SLC28A1: variants seen among roughly 807,000 people sequenced by gnomAD.
The protein encoded by SLC28A1 is sodium/nucleoside cotransporter 1.
A neutral mutation model predicts 74.8 loss-of-function variants in SLC28A1; 64 were observed. That is an observed-to-expected ratio of 0.86 (90% confidence interval 0.70 to 1.05). The LOEUF (loss-of-function observed/expected upper bound fraction) is 1.05, where lower values mean the gene tolerates loss of function less well. Ranked by LOEUF, SLC28A1 falls within the 50% of genes least tolerant of loss-of-function variation. The probability of loss-of-function intolerance (pLI) is 0.00; values close to 1 mark genes in which losing one functional copy is unlikely to be tolerated. For synonymous variants in SLC28A1, 359 were observed against 335.0 expected (o/e 1.07, Z -0.78); for missense variants, 828 against 822.8 (o/e 1.01, Z -0.08).
At chr15:84,961,600 C>A in the SLC28A1 span, 1 of 434,048 alleles carries the variant, frequency 2.3e-6, no homozygotes, top group South Asian at 1.7e-5. Flanking sequence ...CTTGGCTTCC[C>A]AAAGTGCTGG....
chr15:84,893,755 G>A (rs567696803), intron 5 of SLC28A1, among the ~76,000 whole-genome samples: 85 of 152,242 alleles, frequency 5.6e-4, no homozygotes, highest in African/African-American at 1.9e-3. Flanking sequence ...CTGTTTTGGT[G>A]CCTGCAGAGC....
At chr15:84,923,275 C>T (rs1028091798) in intron 11 of SLC28A1, among the ~76,000 whole-genome samples, 1 of 152,098 alleles carries the variant, frequency 6.6e-6, no homozygotes, top group Non-Finnish European at 1.5e-5. Context: ...TAGGCATTAT[C>T]ACACATATCT....
intron 13 of SLC28A1, among the ~76,000 whole-genome samples, chr15:84,933,883 G>A (rs183203902): frequency 2.0e-5 from 3 of 152,312 alleles, no homozygotes; most frequent in Middle Eastern, 6.8e-3. Context: ...GCTGAGGCAC[G>A]AGAATTGCTT....
the SLC28A1 span, among the ~76,000 whole-genome samples, chr15:84,968,626 C>G: frequency 6.6e-6 from 1 of 152,226 alleles, no homozygotes; most frequent in African/African-American, 2.4e-5. Flanking sequence ...CACTTTCTAA[C>G]ATGGGAGGCA....
At chr15:84,960,948 T>C in the SLC28A1 span, among the ~76,000 whole-genome samples, 1 of 152,174 alleles carries the variant, frequency 6.6e-6, no homozygotes, top group African/African-American at 2.4e-5. Context: ...GATCCTGAAT[T>C]GGCTTTGCAG....
chr15:84,926,764 G>T (rs920174395), intron 12 of SLC28A1, among the ~76,000 whole-genome samples: 1 of 121,792 alleles, frequency 8.2e-6, no homozygotes, highest in Non-Finnish European at 1.6e-5. Context: ...CTCTGCCCCT[G>T]CCCCAGGCTC....
At chr15:84,944,492 G>C in intron 16 of SLC28A1, 74 bp from the exon 17 acceptor site, 1 of 986,402 alleles carries the variant, frequency 1.0e-6, no homozygotes, top group South Asian at 1.3e-5. Context: ...GTCAGCAGAT[G>C]CAGCCCGAGC....
chr15:84,975,196 A>G, the SLC28A1 span, among the ~76,000 whole-genome samples: 2 of 152,192 alleles, frequency 1.3e-5, no homozygotes, highest in Non-Finnish European at 2.9e-5. Context: ...TTATTTCCCA[A>G]TTGAGTATTT....
intron 12 of SLC28A1, among the ~76,000 whole-genome samples, chr15:84,924,607 G>A (rs145746631): frequency 6.6e-6 from 1 of 152,304 alleles, no homozygotes; most frequent in Non-Finnish European, 1.5e-5. Flanking sequence ...GAATTTGTAG[G>A]TCAAATTCCA....
chr15:84,965,903 A>C, the SLC28A1 span, among the ~76,000 whole-genome samples: 20 of 117,806 alleles, frequency 1.7e-4, 1 homozygote, highest in South Asian at 5.1e-4. Context: ...GGAGGCGGGG[A>C]GGGGGGGGAA....
chr15:84,891,417 G>A (rs1208654726), intron 5 of SLC28A1, among the ~76,000 whole-genome samples: 1 of 152,210 alleles, frequency 6.6e-6, no homozygotes, highest in African/African-American at 2.4e-5. Flanking sequence ...GAACATGCGT[G>A]CAGAGGGAGT....
intron 8 of SLC28A1, among the ~76,000 whole-genome samples, chr15:84,906,557 TTTCTTTCTCTTTCTTTCTTCCTTC>T (rs1567140351): frequency 1.7e-4 from 15 of 88,054 alleles, no homozygotes; most frequent in African/African-American, 7.0e-4. Context: ...TCTTTCTTTC[TTTCTTTCTCTTTCTTTCTTCCTTC>T]CTTCCTTCCT....
At position 84,932,312 on chromosome 15, in the gene SLC28A1, C is replaced by T. The variant is rs75354448; in HGVS notation, c.1084-833C>T. ...TAAATGACACAGTGATAGGGGGAAACGTGTCATATTTCTCTGTGGAAAAGA... is the reference window on the plus strand; with the variant it reads ...TAAATGACACAGTGATAGGGGGAAATGTGTCATATTTCTCTGTGGAAAAGA... On this transcript the variant is annotated intron_variant, in intron 12 of 18. Coordinates refer to ENST00000394573, the MANE Select transcript of SLC28A1 (RefSeq NM_004213.5). Among the ~76,000 whole-genome samples, 796 of 152,188 alleles carry T rather than the reference C, an allele frequency of 5.2e-3. 52 individuals are homozygous for T. In the East Asian group the frequency reaches 0.13, roughly 24 times the overall value.
the SLC28A1 span, among the ~76,000 whole-genome samples, chr15:84,973,706 T>C: frequency 1.3e-5 from 2 of 152,206 alleles, no homozygotes; most frequent in African/African-American, 4.8e-5. Flanking sequence ...AATTATACGC[T>C]CGCGTAGTTG....
the SLC28A1 span, among the ~76,000 whole-genome samples, chr15:84,968,129 T>C: frequency 6.6e-6 from 1 of 152,156 alleles, no homozygotes; most frequent in Non-Finnish European, 1.5e-5. Context: ...TCTCCCAAAC[T>C]CATCTGGCTA....
intron 10 of SLC28A1, among the ~76,000 whole-genome samples, chr15:84,920,463 A>ACAGGGG (rs1969672405): frequency 7.1e-6 from 1 of 141,526 alleles, no homozygotes; most frequent in Non-Finnish European, 1.5e-5. Context: ...AAAGGAAAGG[A>ACAGGGG]AAGGGGAAGG....
chr15:84,886,300 G>A (rs926998733), intron 1 of SLC28A1: 3 of 985,310 alleles, frequency 3.0e-6, no homozygotes, highest in Non-Finnish European at 3.6e-6. Flanking sequence ...AGTGAGAAAG[G>A]GAGATAGAGA....
At chr15:84,955,928 C>T in the SLC28A1 span, among the ~76,000 whole-genome samples, 5 of 152,278 alleles carry the variant, frequency 3.3e-5, no homozygotes, top group South Asian at 1.0e-3. Flanking sequence ...AGCGAACCCC[C>T]AACTTCCTCC....
rs1233386619 is a variant in SLC28A1, at chr15:84,924,006, C to T, written c.979C>T (p.Arg327Trp). ...GCAGACCGAGGCTCCATTACTGATC[C>T]GGCCCTACTTGGCAGACATGACACT... ...VSQTEAPLLI[R>W]PYLADMTLSE... is the part of the protein sequence containing the mutation. Residue 327 changes from arginine to tryptophan, a missense_variant, in exon 12 of 19, where the codon CGG (arginine) becomes TGG (tryptophan). This residue lies in a region of SLC28A1 where 767 missense variants were observed against 753.5 expected (regional missense o/e 1.02). Coordinates refer to ENST00000394573, the MANE Select transcript of SLC28A1 (RefSeq NM_004213.5). 6.8e-6 allele frequency: 11 copies of T among 1,613,960 alleles called. No homozygotes were observed. Among genetic ancestry groups the T allele is most frequent in the African/African-American group, 4.0e-5 (3 of 74,894 alleles).
Sources: allele counts gnomAD v4.1 joint callset (sites outside exome capture counted in the v4.1 genomes callset), GRCh38; gene constraint gnomAD v4.1.1; regional missense constraint gnomAD v4.1.1; transcripts MANE v1.5; gene names NCBI Gene and HGNC (gene_info 2026-07-23, HGNC 2026-07-21).